Variants in RAD54L observed in about 807,000 individuals in gnomAD.
RAD54L encodes RAD54 like, also known as DNA repair and recombination protein RAD54-like.
Under a neutral mutation model 91.6 loss-of-function variants are expected in RAD54L, and 74 were observed. The observed-to-expected ratio is 0.81, with a 90% confidence interval of 0.67 to 0.98. The LOEUF (loss-of-function observed/expected upper bound fraction) is 0.98, where lower values mean the gene tolerates loss of function less well. Among genes scored for constraint, RAD54L ranks in the 50% least tolerant of loss-of-function variants. The probability of loss-of-function intolerance (pLI) is 0.00; values close to 1 mark genes in which losing one functional copy is unlikely to be tolerated. For synonymous variants in RAD54L, 304 were observed against 349.7 expected, an observed-to-expected ratio of 0.87 and a Z score of 1.46; for missense variants, 887 against 945.7, an observed-to-expected ratio of 0.94 and a Z score of 0.81.
At chr1:46,253,448 ATC>A (rs1367514716) in intron 3 of RAD54L, among the ~76,000 whole-genome samples, 1 of 152,052 alleles carries the variant, frequency 6.6e-6, no homozygotes, top group Non-Finnish European at 1.5e-5. Flanking sequence ...GTGAAACTCC[ATC>A]TCTAGTAAAA....
chr1:46,255,690 G>A (rs1487142638), intron 3 of RAD54L, among the ~76,000 whole-genome samples: 2 of 151,914 alleles, frequency 1.3e-5, no homozygotes, highest in Non-Finnish European at 2.9e-5. Flanking sequence ...TAGCAGAGAC[G>A]GGGTTTCACC....
rs752474512 is a variant in RAD54L, at chr1:46,260,574, C to T, written c.440C>T (p.Pro147Leu). Residue 147 changes from proline to leucine, a missense_variant, in exon 6 of 18, where the codon CCT (proline) becomes CTT (leucine). Coordinates refer to ENST00000371975, the MANE Select transcript of RAD54L (RefSeq NM_003579.4). Reference sequence around the variant, plus strand: ...CTCCCTGTCCATGTGGTTGTTGACCCTATTCTCAGTAAGGTTTTGCGGCCT... The same window carrying T: ...CTCCCTGTCCATGTGGTTGTTGACCTTATTCTCAGTAAGGTTTTGCGGCCT... The part of the protein sequence containing the change: ...EKLPVHVVVD[P>L]ILSKVLRPHQ... 1 of 1,614,108 alleles carries T rather than the reference C, an allele frequency of 6.2e-7. No homozygotes were observed. The highest frequency in any genetic ancestry group is 8.5e-7 in the Non-Finnish European group (1 of 1,180,022).
chr1:46,268,180 C>G (rs1202671532), intron 9 of RAD54L, among the ~76,000 whole-genome samples: 1 of 152,040 alleles, frequency 6.6e-6, no homozygotes, highest in Non-Finnish European at 1.5e-5. Context: ...CCAGCCTGGG[C>G]AACATAGTGA....
At chr1:46,260,468 G>A (rs1301556206) in intron 5 of RAD54L, 74 bp from the exon 6 acceptor site, 3 of 1,434,020 alleles carry the variant, frequency 2.1e-6, no homozygotes, top group African/African-American at 2.8e-5. Flanking sequence ...CTCCGGATCA[G>A]CAGGACACAG....
rs939818630 is a variant in RAD54L at position 46,263,920 on chromosome 1, C to T, written c.891+2535C>T. Among the ~76,000 whole-genome samples the T allele has an allele frequency of 6.6e-6, 1 of 152,162 alleles. No homozygotes were observed. The highest frequency in any genetic ancestry group is 2.4e-5 in the African/African-American group (1 of 41,444). Reference sequence around the variant, plus strand: ...TTAAGTAATTCTCCTGCCTCAGCCACCCGAGTAGCTGATATTACAGGCGTG... The same window carrying T: ...TTAAGTAATTCTCCTGCCTCAGCCATCCGAGTAGCTGATATTACAGGCGTG... On this transcript the variant is annotated intron_variant, in intron 8 of 17. Coordinates refer to ENST00000371975, the MANE Select transcript of RAD54L (RefSeq NM_003579.4). This position sits in a 1 kb window ranked among gnomAD's most constrained non-coding sequence, Gnocchi z 4.3.
Position 46,278,453 on chromosome 1 carries a change from G to T in RAD54L, c.*171G>T. 2 of 836,060 alleles carry T rather than the reference G, an allele frequency of 2.4e-6. No individual in the cohort carries two copies. The highest frequency in any genetic ancestry group is 5.3e-5 in the East Asian group (2 of 37,774). The allele number at this position is 836,060 out of a possible 1,614,324, so 51.8% of individuals were successfully genotyped here. A position where few individuals can be genotyped will look rare whatever the true frequency, so the allele number is the denominator to read the frequency against. On this transcript the variant is annotated 3_prime_UTR_variant, in exon 18 of 18. Transcript: ENST00000371975. ...GAAAAACTTTTTTGGTTAAAAAAAA[G>T]AATAAAGGTATGAAAGGGTTTGAGG...
chr1:46,252,149 A>G (rs1158503342), intron 3 of RAD54L, among the ~76,000 whole-genome samples: 1 of 152,170 alleles, frequency 6.6e-6, no homozygotes, highest in Non-Finnish European at 1.5e-5. Context: ...AATAGAAGGA[A>G]CAGCTTATTG....
Position 46,248,352 on chromosome 1 carries a change from T to A in RAD54L, c.-54T>A. On this transcript the variant is annotated 5_prime_UTR_variant, in exon 1 of 18. Transcript: ENST00000371975. ...TGGTCCTACACTCTTAGCCGCTGCC[T>A]GCTTTTGACCTTTGGCTCATGGGTA... The A allele has an allele frequency of 6.2e-7, 1 of 1,611,512 alleles. No homozygotes were observed.
rs1487840716 is a variant in RAD54L, at chr1:46,278,111, G to A, written c.2073G>A (p.Arg691=). Residue 691 remains arginine (R), a synonymous_variant, in exon 18 of 18, where the codon CGG becomes CGA. Transcript: ENST00000371975. ...CRRCVNSRQI[R]PPPDGSDCTS... ...GTTGTGTCAACAGCCGTCAGATCCG[G>A]CCACCCCCTGATGGTTCTGACTGCA... is the stretch of plus-strand genomic sequence containing the variant. 6.2e-7 allele frequency: 1 copy of A among 1,613,820 alleles called. No individual in the cohort carries two copies. The highest frequency in any genetic ancestry group is 2.2e-5 in the East Asian group (1 of 44,892).
chr1:46,276,575 A>G (rs778289916), intron 16 of RAD54L, among the ~76,000 whole-genome samples: 5 of 152,090 alleles, frequency 3.3e-5, no homozygotes, highest in African/African-American at 4.8e-5. Flanking sequence ...GTTTTCACTG[A>G]TTTTTACCTT....
chr1:46,276,301 A>G (rs967708025), intron 16 of RAD54L, among the ~76,000 whole-genome samples: 4 of 152,200 alleles, frequency 2.6e-5, no homozygotes, highest in African/African-American at 9.7e-5. Context: ...CTGGGGCTAC[A>G]GGTGTGTGCC....
chr1:46,261,492 A>G (rs1660128573), intron 8 of RAD54L, 107 bp downstream of exon 8: 1 of 1,404,490 alleles, frequency 7.1e-7, no homozygotes, highest in South Asian at 1.2e-5. Flanking sequence ...TGCTGAAGAC[A>G]GGATGCTGCC....
At chr1:46,275,192 A>C (rs556952892) in intron 16 of RAD54L, among the ~76,000 whole-genome samples, 79 of 152,130 alleles carry the variant, frequency 5.2e-4, no homozygotes, top group African/African-American at 1.9e-3. Flanking sequence ...CTCAGCCTTC[A>C]TTTCTTTCCC....
intron 8 of RAD54L, among the ~76,000 whole-genome samples, chr1:46,261,870 G>A (rs1029052706): frequency 6.6e-6 from 1 of 152,192 alleles, no homozygotes; most frequent in African/African-American, 2.4e-5. Flanking sequence ...ATTCACGCCT[G>A]TAATCCCAGC....
intron 10 of RAD54L, 57 bp downstream of exon 10, chr1:46,270,842 C>T: frequency 6.2e-7 from 1 of 1,606,906 alleles, no homozygotes; most frequent in Admixed American, 1.7e-5. Context: ...ATGGCCAATC[C>T]TTTGGGGGCT....
chr1:46,267,319 C>T (rs914821478), intron 8 of RAD54L, 140 bp from the exon 9 acceptor site: 65 of 1,088,966 alleles, frequency 6.0e-5, no homozygotes, highest in Non-Finnish European at 8.2e-5. Flanking sequence ...CTGTCTCGGC[C>T]TCCCAAAGTG....
chr1:46,262,334 G>C (rs1660153191), intron 8 of RAD54L, among the ~76,000 whole-genome samples: 1 of 152,092 alleles, frequency 6.6e-6, no homozygotes. Context: ...TTGAACCCGG[G>C]AGGTGGAGGT....
Position 46,278,298 on chromosome 1 carries a change from G to A in RAD54L, c.*16G>A, listed in dbSNP as rs760934733. 3.7e-6 allele frequency: 6 copies of A among 1,603,466 alleles called. No individual in the cohort carries two copies. Among genetic ancestry groups the A allele is most frequent in the Non-Finnish European group, 4.3e-6 (5 of 1,175,192 alleles). ...CCTCCGCTGATAACCAGCTGGTCTGGGTGTAGCTCTTAGAGGAAGGAGATA... is the reference window on the plus strand; with the variant it reads ...CCTCCGCTGATAACCAGCTGGTCTGAGTGTAGCTCTTAGAGGAAGGAGATA... On this transcript the variant is annotated 3_prime_UTR_variant, in exon 18 of 18. Coordinates refer to ENST00000371975, the MANE Select transcript of RAD54L (RefSeq NM_003579.4).
rs762268075 is a variant in RAD54L at position 46,272,803 on chromosome 1, G to A, written c.1375+1G>A. 20 of 1,613,934 alleles carry A rather than the reference G, an allele frequency of 1.2e-5. No homozygotes were observed. Among genetic ancestry groups the A allele is most frequent in the Non-Finnish European group, 1.5e-5 (18 of 1,180,012 alleles). On this transcript the variant is annotated splice_donor_variant, in intron 12 of 17. Coordinates refer to ENST00000371975, the MANE Select transcript of RAD54L (RefSeq NM_003579.4). LOFTEE classifies it high-confidence loss of function. ...ACCTCGCTAAAGAAGCTTTGTAATC[G>A]TGAGTTGGGCTTGTGTCCTGGTGTC...
Sources: allele counts gnomAD v4.1 joint callset (sites outside exome capture counted in the v4.1 genomes callset), GRCh38; gene constraint gnomAD v4.1.1; non-coding constraint Gnocchi (gnomAD v3.1); transcripts MANE v1.5; gene names NCBI Gene and HGNC (gene_info 2026-07-23, HGNC 2026-07-21).